The following MARCHF3 variants were observed in gnomAD, a reference collection of about 807,000 sequenced individuals.
MARCHF3 encodes E3 ubiquitin-protein ligase MARCHF3.
A neutral mutation model predicts 24.2 loss-of-function variants in MARCHF3; 13 were observed. The observed-to-expected ratio is 0.54, with a 90% CI of 0.35 to 0.85. MARCHF3 has a LOEUF of 0.85. Ranked by LOEUF, MARCHF3 falls within the 40% of genes least tolerant of loss-of-function variation. The pLI, the probability that MARCHF3 is intolerant of heterozygous loss-of-function variation, is 0.01. For synonymous variants in MARCHF3, 144 were observed against 137.3 expected (o/e 1.05, Z -0.34); for missense variants, 276 against 325.0 (o/e 0.85, Z 1.16).
chr5:126,914,778 A>ACACACACC, intron 3 of MARCHF3, 152 bp downstream of exon 3: 1 of 642,014 alleles, frequency 1.6e-6, no homozygotes, highest in Non-Finnish European at 2.8e-6. Flanking sequence ...ACACACACAC[A>ACACACACC]CACACACACA....
chr5:127,028,500 A>G (rs1753072397), intron 1 of MARCHF3, among the ~76,000 whole-genome samples: 1 of 152,172 alleles, frequency 6.6e-6, no homozygotes, highest in Admixed American at 6.5e-5. Flanking sequence ...TTCATTAGAA[A>G]TACCAAGGCA....
At chr5:126,938,551 CAA>C (rs780942587) in intron 1 of MARCHF3, among the ~76,000 whole-genome samples, 1 of 130,540 alleles carries the variant, frequency 7.7e-6, no homozygotes. Context: ...GCAAAAAAAG[CAA>C]AAAAAAAAAA....
intron 1 of MARCHF3, among the ~76,000 whole-genome samples, chr5:126,919,150 C>G (rs898723554): frequency 3.9e-5 from 6 of 152,208 alleles, no homozygotes; most frequent in African/African-American, 1.4e-4. Context: ...TGCTCCCAAT[C>G]TGTGTGGTGC....
chr5:126,900,281 G>A (rs572156249), intron 3 of MARCHF3, among the ~76,000 whole-genome samples: 11 of 152,214 alleles, frequency 7.2e-5, no homozygotes, highest in Admixed American at 3.3e-4. Context: ...AAGGAAGCCA[G>A]GTGCAATGGT....
chr5:127,013,266 T>A (rs1458164289), intron 1 of MARCHF3, among the ~76,000 whole-genome samples: 1 of 152,182 alleles, frequency 6.6e-6, no homozygotes, highest in Non-Finnish European at 1.5e-5. Context: ...CATTTTGTTA[T>A]AACTTCATGC....
At position 126,989,336 on chromosome 5, in the gene MARCHF3, AC is replaced by A. The variant is rs1184815532; in HGVS notation, c.-57+41013del. On this transcript the variant is annotated intron_variant, in intron 1 of 4. Transcript: ENST00000308660. ...TACTACTACTACTACTACTACTACT[AC>A]TAATAATAATAATAATATTAGGACT... Among the ~76,000 whole-genome samples the A allele has an allele frequency of 4.7e-3, 659 of 138,890 alleles. 4 individuals are homozygous for A. The highest frequency in any genetic ancestry group is 0.021 in the Middle Eastern group (5 of 240). 91.1% of individuals were successfully genotyped at this position (138,890 alleles called of 152,430 possible). A position where few individuals can be genotyped will look rare whatever the true frequency, so the allele number is the denominator to read the frequency against.
At chr5:126,956,645 CAAAAAAAAA>C (rs60640113) in intron 1 of MARCHF3, among the ~76,000 whole-genome samples, 2 of 20,598 alleles carry the variant, frequency 9.7e-5, no homozygotes, top group Non-Finnish European at 3.0e-4. Context: ...GCTCTGTCTC[CAAAAAAAAA>C]AAAAAAAAAA....
At chr5:127,009,207 C>T (rs1752405466) in intron 1 of MARCHF3, among the ~76,000 whole-genome samples, 1 of 152,270 alleles carries the variant, frequency 6.6e-6, no homozygotes, top group African/African-American at 2.4e-5. Flanking sequence ...AACCAGAATC[C>T]TTCCCAAAAC....
At chr5:127,011,053 T>C (rs1333637790) in intron 1 of MARCHF3, among the ~76,000 whole-genome samples, 2 of 152,202 alleles carry the variant, frequency 1.3e-5, no homozygotes, top group Non-Finnish European at 2.9e-5. Flanking sequence ...ACAAAAATAA[T>C]ATAAATAATA....
Position 126,899,313 on chromosome 5 carries a change from T to C in MARCHF3, c.393+15617A>G, listed in dbSNP as rs1403874267. On this transcript the variant is annotated intron_variant, in intron 3 of 4. Coordinates refer to ENST00000308660, the MANE Select transcript of MARCHF3 (RefSeq NM_178450.5). ...AGAATTGAGGGAGAGCCACAAATAA[T>C]TGAAGAGAAAAATCAGTGTTTTCCT... 5.1e-6 allele frequency: 5 copies of C among 985,022 alleles called. No homozygotes were observed. The African/African-American group carries it at 5.2e-5, about 10-fold the overall frequency. The allele number at this position is 985,022 out of a possible 1,614,324, so 61.0% of individuals were successfully genotyped here.
intron 1 of MARCHF3, among the ~76,000 whole-genome samples, chr5:126,995,907 A>G (rs1035527262): frequency 6.6e-6 from 1 of 152,272 alleles, no homozygotes; most frequent in Non-Finnish European, 1.5e-5. Flanking sequence ...ACAGGCATAA[A>G]TACACTGCTA....
chr5:126,956,720 A>C (rs563863298), intron 1 of MARCHF3, among the ~76,000 whole-genome samples: 28 of 151,790 alleles, frequency 1.8e-4, no homozygotes, highest in African/African-American at 3.9e-4. Context: ...ACAAAAAAAA[A>C]CCCAGAAAGC....
chr5:126,877,356 G>C (rs927784855), intron 4 of MARCHF3, among the ~76,000 whole-genome samples: 8 of 152,186 alleles, frequency 5.3e-5, no homozygotes, highest in African/African-American at 9.6e-5. Flanking sequence ...AGCAGGCACA[G>C]GAGAGTAATG....
chr5:126,937,876 A>T (rs560731258), intron 1 of MARCHF3, among the ~76,000 whole-genome samples: 93 of 152,346 alleles, frequency 6.1e-4, no homozygotes, highest in African/African-American at 2.1e-3. Flanking sequence ...TGACAAGCAT[A>T]TTCCACAAAA....
chr5:126,998,969 G>C (rs1013259595), intron 1 of MARCHF3, among the ~76,000 whole-genome samples: 1 of 152,176 alleles, frequency 6.6e-6, no homozygotes, highest in African/African-American at 2.4e-5. Flanking sequence ...AAGTATGTGT[G>C]CCAAAAATCC....
intron 1 of MARCHF3, among the ~76,000 whole-genome samples, chr5:126,920,792 T>TA (rs1190537136): frequency 6.6e-6 from 1 of 152,200 alleles, no homozygotes; most frequent in African/African-American, 2.4e-5. Flanking sequence ...AAATCCGCAA[T>TA]AAAATGTCCT....
At chr5:126,903,737 C>T (rs950309806) in intron 3 of MARCHF3, among the ~76,000 whole-genome samples, 4 of 152,002 alleles carry the variant, frequency 2.6e-5, no homozygotes, top group African/African-American at 7.3e-5. Flanking sequence ...AAAGTGGTTT[C>T]TTCATAGCAG....
chr5:126,955,455 C>A (rs1163269890), intron 1 of MARCHF3, among the ~76,000 whole-genome samples: 2 of 152,206 alleles, frequency 1.3e-5, no homozygotes, highest in Non-Finnish European at 2.9e-5. Context: ...TGCCCAGTTT[C>A]GTTCATCCGG....
At chr5:126,957,641 T>A (rs1468478250) in intron 1 of MARCHF3, among the ~76,000 whole-genome samples, 1 of 152,296 alleles carries the variant, frequency 6.6e-6, no homozygotes, top group South Asian at 2.1e-4. Context: ...CATACTTGAA[T>A]CTGTTCCTAG....
Sources: allele counts gnomAD v4.1 joint callset (sites outside exome capture counted in the v4.1 genomes callset), GRCh38; gene constraint gnomAD v4.1.1; transcripts MANE v1.5; gene names NCBI Gene and HGNC (gene_info 2026-07-23, HGNC 2026-07-21).